WDR27: variants seen among roughly 807,000 people sequenced by gnomAD.
WDR27 encodes the protein WD repeat domain 27.
Under a neutral mutation model 114.4 loss-of-function variants are expected in WDR27, and 100 were observed. That is an observed-to-expected ratio of 0.87 (90% CI 0.74 to 1.03). The LOEUF is 1.03. Ranked by LOEUF, WDR27 falls within the 50% of genes least tolerant of loss-of-function variation. The probability of loss-of-function intolerance (pLI) is 0.00; values close to 1 mark genes in which losing one functional copy is unlikely to be tolerated. For missense variants in WDR27, 1,129 were observed against 1,092.9 expected (o/e 1.03, Z -0.47); for synonymous variants, 449 against 423.1 (o/e 1.06, Z -0.75).
In WDR27 at chr6:169,694,966, C is replaced by G. The variant is rs144217634; in HGVS notation, c.-7-5954G>C. ...GATGAAATGATGCCAAGAAGTCAGG[C>G]CTGGGACAGAGACCTCTCCACTGAG... On this transcript the variant is annotated intron_variant, in intron 1 of 25. Coordinates refer to ENST00000448612, the MANE Select transcript of WDR27 (RefSeq NM_182552.5). Among the ~76,000 whole-genome samples, 250 of 152,298 alleles carry G rather than the reference C, an allele frequency of 1.6e-3. 1 individual carries two copies. Among genetic ancestry groups the G allele is most frequent in the African/African-American group, 5.8e-3 (239 of 41,564 alleles).
chr6:169,426,970 C>CG, the WDR27 span: 2 of 14,066 alleles, frequency 1.4e-4, no homozygotes, highest in African/African-American at 7.0e-4. Context: ...GTGGTGGGGG[C>CG]AGTGGGGGGG....
intron 25 of WDR27, among the ~76,000 whole-genome samples, chr6:169,495,594 TA>T (rs1352759280): frequency 6.6e-6 from 1 of 150,990 alleles, no homozygotes; most frequent in African/African-American, 2.4e-5. Context: ...AAATCAGAAA[TA>T]ACAACTGATG....
At position 169,662,241 on chromosome 6, in the gene WDR27, T is replaced by A. The variant is rs796271415; in HGVS notation, c.1025+63A>T. On this transcript the variant is annotated intron_variant, in intron 9 of 25. Coordinates refer to ENST00000448612, the MANE Select transcript of WDR27 (RefSeq NM_182552.5). ...AGTCATTCTTAGAAAATGAACCTAA[T>A]GTTCATCTAAGGAATTTAAGAGGTT... 16 of 1,561,728 alleles carry A rather than the reference T, an allele frequency of 1.0e-5. No homozygotes were observed. The African/African-American group carries it at 2.2e-4, about 21-fold the overall frequency.
intron 25 of WDR27, among the ~76,000 whole-genome samples, chr6:169,567,827 T>G (rs1800745243): frequency 6.6e-6 from 1 of 152,140 alleles, no homozygotes; most frequent in Non-Finnish European, 1.5e-5. Context: ...ACTTGGAAGC[T>G]GCAACTCTGA....
At chr6:169,547,236 G>C (rs1250639058) in intron 25 of WDR27, among the ~76,000 whole-genome samples, 1 of 151,982 alleles carries the variant, frequency 6.6e-6, no homozygotes, top group East Asian at 1.9e-4. Context: ...AATTATACCA[G>C]ATATTTAAAT....
intron 24 of WDR27, among the ~76,000 whole-genome samples, chr6:169,582,059 C>A (rs1289791041): frequency 1.3e-5 from 2 of 152,154 alleles, no homozygotes; most frequent in Non-Finnish European, 2.9e-5. Flanking sequence ...CTGCAACCGC[C>A]GCCTCCCAGG....
At chr6:169,663,089 A>G (rs1826792212) in intron 8 of WDR27, among the ~76,000 whole-genome samples, 1 of 152,246 alleles carries the variant, frequency 6.6e-6, no homozygotes, top group Non-Finnish European at 1.5e-5. Context: ...CATCGAGGAA[A>G]GCACTAAGGT....
At chr6:169,589,268 T>C (rs1805244309) in intron 23 of WDR27, among the ~76,000 whole-genome samples, 1 of 152,230 alleles carries the variant, frequency 6.6e-6, no homozygotes, top group Non-Finnish European at 1.5e-5. Flanking sequence ...CAGCAAGTAC[T>C]TTCTGGACAC....
chr6:169,612,076 C>T (rs1202045234), intron 22 of WDR27, among the ~76,000 whole-genome samples: 1 of 151,776 alleles, frequency 6.6e-6, no homozygotes, highest in Non-Finnish European at 1.5e-5. Flanking sequence ...GCAGAGGTTG[C>T]AGTGAGCTGA....
At chr6:169,666,597 G>A (rs879366197) in intron 6 of WDR27, 18 of 985,422 alleles carry the variant, frequency 1.8e-5, no homozygotes, top group Admixed American at 6.1e-5. Context: ...GCCGTGCTCC[G>A]CGGACGGACG....
chr6:169,663,618 G>C (rs1332047869), intron 8 of WDR27: 3 of 153,830 alleles, frequency 2.0e-5, no homozygotes, highest in Non-Finnish European at 4.3e-5. Context: ...GACCAGGTGA[G>C]GACAAGGTTG....
At chr6:169,695,455 T>G (rs1413335987) in intron 1 of WDR27, among the ~76,000 whole-genome samples, 1 of 152,234 alleles carries the variant, frequency 6.6e-6, no homozygotes, top group African/African-American at 2.4e-5. Context: ...GCACCAAAAT[T>G]TCTTTCAAGT....
chr6:169,427,678 T>G, the WDR27 span, among the ~76,000 whole-genome samples: 1 of 152,028 alleles, frequency 6.6e-6, no homozygotes. Flanking sequence ...ATTTCTATTC[T>G]GAATCCCACC....
chr6:169,568,550 C>A (rs1212577557), intron 25 of WDR27, among the ~76,000 whole-genome samples: 2 of 152,098 alleles, frequency 1.3e-5, no homozygotes, highest in Admixed American at 1.3e-4. Context: ...ATGTAGAAGA[C>A]CCAGTTGAAA....
In WDR27 at chr6:169,583,199, C is replaced by T. The variant is rs1006123037; in HGVS notation, c.2425-265G>A. 2.7e-5 allele frequency among the ~76,000 whole-genome samples: 4 copies of T among 150,934 alleles called. No individual in the cohort carries two copies. The East Asian group carries it at 7.8e-4, about 30-fold the overall frequency. On this transcript the variant is annotated intron_variant, in intron 23 of 25. Transcript: ENST00000448612. ...TTACTATCAAAAACCTCTATAGTAC[C>T]CTGTGAACAGTTTTAAATATGTGCT...
At chr6:169,574,360 G>A (rs755187666) in intron 24 of WDR27, among the ~76,000 whole-genome samples, 29 of 152,114 alleles carry the variant, frequency 1.9e-4, no homozygotes, top group Non-Finnish European at 3.7e-4. Context: ...TTTTTTAAGC[G>A]TATCTAGAAA....
At chr6:169,627,730 G>A (rs1815233894) in intron 21 of WDR27, among the ~76,000 whole-genome samples, 1 of 152,204 alleles carries the variant, frequency 6.6e-6, no homozygotes, top group African/African-American at 2.4e-5. Flanking sequence ...ACTGGGTTCA[G>A]TTGAGATAAC....
At chr6:169,607,425 TATA>T (rs1554308964) in intron 22 of WDR27, among the ~76,000 whole-genome samples, 1 of 11,866 alleles carries the variant, frequency 8.4e-5, no homozygotes, top group African/African-American at 1.5e-4. Context: ...CACACACACA[TATA>T]ATATAATATT....
chr6:169,699,302 C>T (rs4073926), intron 1 of WDR27, among the ~76,000 whole-genome samples: 60,417 of 151,878 alleles, frequency 0.4, 14,088 homozygotes, highest in East Asian at 0.94. Flanking sequence ...GGTCTTGGCC[C>T]TTCAGCAAAG....
Sources: gnomAD v4.1 joint callset for allele counts (sites outside exome capture counted in the v4.1 genomes callset) on GRCh38, gnomAD v4.1.1 for gene constraint, MANE v1.5 for transcripts, NCBI Gene and HGNC (gene_info 2026-07-23, HGNC 2026-07-21) for gene names.